The following GAB2 variants were observed in gnomAD, a reference collection of about 807,000 sequenced individuals.
GAB2 encodes GRB2-associated-binding protein 2.
A neutral mutation model predicts 65.5 loss-of-function variants in GAB2; 26 were observed. The observed-to-expected ratio is 0.40, with a 90% CI of 0.29 to 0.55. The LOEUF (loss-of-function observed/expected upper bound fraction) is 0.55. Among genes scored for constraint, GAB2 ranks in the 20% least tolerant of loss-of-function variants. The probability of loss-of-function intolerance (pLI) is 0.53; values close to 1 mark genes in which losing one functional copy is unlikely to be tolerated. For synonymous variants in GAB2, 321 were observed against 329.6 expected, an observed-to-expected ratio of 0.97 and a Z score of 0.28; for missense variants, 884 against 875.8, an observed-to-expected ratio of 1.01 and a Z score of -0.12.
intron 1 of GAB2, among the ~76,000 whole-genome samples, chr11:78,333,563 C>T (rs1406013431): frequency 6.6e-6 from 1 of 152,212 alleles, no homozygotes; most frequent in Non-Finnish European, 1.5e-5. Flanking sequence ...CCACCACCCC[C>T]TGCCCAGTGG....
intron 1 of GAB2, among the ~76,000 whole-genome samples, chr11:78,399,028 TA>T (rs1166800785): frequency 2.0e-5 from 3 of 152,144 alleles, no homozygotes; most frequent in Admixed American, 6.5e-5. Context: ...ATAATGATAC[TA>T]AAAAATACCC....
intron 1 of GAB2, among the ~76,000 whole-genome samples, chr11:78,351,854 C>G (rs1161521702): frequency 6.6e-6 from 1 of 152,056 alleles, no homozygotes; most frequent in Non-Finnish European, 1.5e-5. Context: ...AATCAAAGTA[C>G]AAAAACTTGT....
intron 1 of GAB2, among the ~76,000 whole-genome samples, chr11:78,370,729 G>T (rs1439645206): frequency 2.0e-5 from 3 of 151,264 alleles, no homozygotes; most frequent in Admixed American, 2.0e-4. Context: ...GTGTGTATGT[G>T]TGTGTGTGTG....
intron 2 of GAB2, among the ~76,000 whole-genome samples, chr11:78,263,009 A>G (rs1422645586): frequency 6.6e-6 from 1 of 152,236 alleles, no homozygotes; most frequent in East Asian, 1.9e-4. Flanking sequence ...AGTACAGATG[A>G]CAAAGCCTAA....
At chr11:78,266,074 G>A (rs1049280828) in intron 2 of GAB2, among the ~76,000 whole-genome samples, 3 of 151,970 alleles carry the variant, frequency 2.0e-5, no homozygotes, top group Admixed American at 1.3e-4. Flanking sequence ...AATTTGCCGG[G>A]TGTGGTGGCG....
chr11:78,321,298 C>G (rs1296915029), intron 1 of GAB2, among the ~76,000 whole-genome samples: 1 of 152,202 alleles, frequency 6.6e-6, no homozygotes, highest in Non-Finnish European at 1.5e-5. Context: ...TGCTCTCCCA[C>G]AATCTTCTAT....
chr11:78,407,774 G>T (rs1022589819), intron 1 of GAB2, among the ~76,000 whole-genome samples: 4 of 150,068 alleles, frequency 2.7e-5, no homozygotes, highest in Non-Finnish European at 5.9e-5. Flanking sequence ...GAAAGAGAGA[G>T]AAAGAAAGAA....
chr11:78,231,413 A>G (rs1325357610), intron 3 of GAB2, among the ~76,000 whole-genome samples: 1 of 150,614 alleles, frequency 6.6e-6, no homozygotes, highest in Non-Finnish European at 1.5e-5. Flanking sequence ...CAGTGATGCA[A>G]TCTTGGCTCA....
rs577906420 is a variant in GAB2, at chr11:78,413,056, T to C, written c.75+4590A>G. Among the ~76,000 whole-genome samples, 3 of 152,370 alleles carry C rather than the reference T, an allele frequency of 2.0e-5. No homozygotes were observed. In the East Asian group the frequency reaches 5.8e-4, roughly 29 times the overall value. On this transcript the variant is annotated intron_variant, in intron 1 of 9. Transcript: ENST00000361507. ...GTAGGTGCTTAGTGGCACTGTTTAC[T>C]GAGCAGATGTGGAGTGAAGAGATGA...
intron 5 of GAB2, among the ~76,000 whole-genome samples, chr11:78,223,932 A>T (rs180852760): frequency 6.6e-6 from 1 of 152,128 alleles, no homozygotes; most frequent in Non-Finnish European, 1.5e-5. Flanking sequence ...AATCCAAAGT[A>T]TTAGCTGGGC....
intron 3 of GAB2, among the ~76,000 whole-genome samples, chr11:78,249,447 C>T (rs1865386312): frequency 6.6e-6 from 1 of 152,210 alleles, no homozygotes; most frequent in Non-Finnish European, 1.5e-5. Context: ...CAGCTCTGCA[C>T]TTTTGCTTAG....
At chr11:78,406,292 T>C (rs576101656) in intron 1 of GAB2, among the ~76,000 whole-genome samples, 25 of 152,284 alleles carry the variant, frequency 1.6e-4, no homozygotes, top group Admixed American at 5.9e-4. Context: ...CTTCCGATGA[T>C]TGCAGCAGGG....
At chr11:78,291,569 T>TC (rs1866681316) in intron 1 of GAB2, among the ~76,000 whole-genome samples, 3 of 114,242 alleles carry the variant, frequency 2.6e-5, no homozygotes, top group Admixed American at 8.6e-5. Flanking sequence ...TTCTTTTTTT[T>TC]TTTTTTTTTT....
chr11:78,219,190 G>A lies in GAB2; in HGVS notation c.*82C>T. 2 of 1,314,318 alleles carry A rather than the reference G, an allele frequency of 1.5e-6. No individual in the cohort carries two copies. Among genetic ancestry groups the A allele is most frequent in the Non-Finnish European group, 2.1e-6 (2 of 930,364 alleles). The allele number at this position is 1,314,318 out of a possible 1,614,324, so 81.4% of individuals were successfully genotyped here. On this transcript the variant is annotated 3_prime_UTR_variant, in exon 10 of 10. Coordinates refer to ENST00000361507, the MANE Select transcript of GAB2 (RefSeq NM_080491.3). ...AGAGTAGAGAGGAGGTGGATGGGAGGAAGAACGGGAGAGGGGAGAGGGGAG... is the reference window on the plus strand; with the variant it reads ...AGAGTAGAGAGGAGGTGGATGGGAGAAAGAACGGGAGAGGGGAGAGGGGAG...
At chr11:78,241,612 AAAAAAAAAAACCCAG>A (rs1468437168) in intron 3 of GAB2, among the ~76,000 whole-genome samples, 2 of 128,206 alleles carry the variant, frequency 1.6e-5, no homozygotes, top group Non-Finnish European at 3.0e-5. Flanking sequence ...AAAGAGAAAG[AAAAAAAAAAACCCAG>A]AAATCTTGCA....
intron 3 of GAB2, among the ~76,000 whole-genome samples, chr11:78,228,213 C>T (rs1590947058): frequency 6.6e-6 from 1 of 152,180 alleles, no homozygotes; most frequent in Admixed American, 6.5e-5. Context: ...GGTTTTCAAA[C>T]TAGATTCCAG....
chr11:78,331,868 AT>A (rs1238836850), intron 1 of GAB2, among the ~76,000 whole-genome samples: 5 of 152,110 alleles, frequency 3.3e-5, no homozygotes, highest in Non-Finnish European at 7.4e-5. Flanking sequence ...CTCCTATGCC[AT>A]TGTTTATAGC....
At chr11:78,244,238 A>T (rs1265059750) in intron 3 of GAB2, among the ~76,000 whole-genome samples, 2 of 152,062 alleles carry the variant, frequency 1.3e-5, no homozygotes, top group Non-Finnish European at 2.9e-5. Flanking sequence ...TTAAAAATAG[A>T]AAAATTGGCC....
intron 1 of GAB2, among the ~76,000 whole-genome samples, chr11:78,323,264 C>CT (rs1855760662): frequency 6.6e-6 from 1 of 152,152 alleles, no homozygotes; most frequent in African/African-American, 2.4e-5. Context: ...AATCCCTGCA[C>CT]TTTGGGAGAC....
Sources: gnomAD v4.1 joint callset for allele counts (sites outside exome capture counted in the v4.1 genomes callset) on GRCh38, gnomAD v4.1.1 for gene constraint, MANE v1.5 for transcripts, NCBI Gene and HGNC (gene_info 2026-07-23, HGNC 2026-07-21) for gene names.